Variants in RIMS2 observed in about 807,000 individuals in gnomAD.
The protein encoded by RIMS2 is regulating synaptic membrane exocytosis 2.
A neutral mutation model predicts 174.4 loss-of-function variants in RIMS2; 59 were observed. That is an observed-to-expected ratio of 0.34 (90% CI 0.27 to 0.42). The LOEUF (loss-of-function observed/expected upper bound fraction) is 0.42, where lower values mean the gene tolerates loss of function less well. Ranked by LOEUF, RIMS2 falls within the 10% of genes least tolerant of loss-of-function variation. The pLI, the probability that RIMS2 is intolerant of heterozygous loss-of-function variation, is 1.00. For missense variants in RIMS2, 1,620 were observed against 1,666.3 expected, an observed-to-expected ratio of 0.97 and a Z score of 0.48; for synonymous variants, 606 against 572.5, an observed-to-expected ratio of 1.06 and a Z score of -0.84.
intron 4 of RIMS2, among the ~76,000 whole-genome samples, chr8:103,892,226 C>T (rs1363341766): frequency 6.6e-6 from 1 of 150,620 alleles, no homozygotes; most frequent in African/African-American, 2.4e-5. Context: ...TAATTTGAGA[C>T]AGGGTCTCAC....
At chr8:103,548,362 T>A (rs1183206904) in intron 1 of RIMS2, among the ~76,000 whole-genome samples, 1 of 152,194 alleles carries the variant, frequency 6.6e-6, no homozygotes, top group African/African-American at 2.4e-5. Context: ...GTTCAACATA[T>A]GCCAATCAAT....
In RIMS2 at chr8:104,069,150, A is replaced by G. The variant is rs2097154216; in HGVS notation, c.3334+54535A>G. ...TTCAATAAATTACATGAGCTATTCCATACTTTATTATAAAATAGGCTTTCA... is the reference window on the plus strand; with the variant it reads ...TTCAATAAATTACATGAGCTATTCCGTACTTTATTATAAAATAGGCTTTCA... On this transcript the variant is annotated intron_variant, in intron 19 of 23. Transcript: ENST00000504942. Among the ~76,000 whole-genome samples, 4 of 152,238 alleles carry G rather than the reference A, an allele frequency of 2.6e-5. No individual in the cohort carries two copies. In the South Asian group the frequency reaches 8.3e-4, roughly 32 times the overall value.
chr8:103,566,668 C>A (rs1267795464), intron 1 of RIMS2, among the ~76,000 whole-genome samples: 1 of 152,104 alleles, frequency 6.6e-6, no homozygotes, highest in Non-Finnish European at 1.5e-5. Context: ...GTGGTAATTC[C>A]TTTGGAACAA....
chr8:103,929,793 A>ATCTATGTT (rs2079543089), intron 11 of RIMS2, among the ~76,000 whole-genome samples: 1 of 151,866 alleles, frequency 6.6e-6, no homozygotes. Flanking sequence ...TCTTATCTGT[A>ATCTATGTT]TCTATGTTCT....
chr8:103,718,104 A>G (rs2097396744), intron 2 of RIMS2, among the ~76,000 whole-genome samples: 1 of 152,196 alleles, frequency 6.6e-6, no homozygotes, highest in Non-Finnish European at 1.5e-5. Context: ...AATGCCATAC[A>G]GACTCTAAGA....
chr8:104,066,903 T>C (rs1033656674), intron 19 of RIMS2, among the ~76,000 whole-genome samples: 1 of 152,172 alleles, frequency 6.6e-6, no homozygotes, highest in African/African-American at 2.4e-5. Context: ...TTTTCTTCCC[T>C]TTTCATATTA....
chr8:104,008,879 A>G (rs1245724126), intron 17 of RIMS2, among the ~76,000 whole-genome samples: 1 of 152,088 alleles, frequency 6.6e-6, no homozygotes, highest in Non-Finnish European at 1.5e-5. Flanking sequence ...CTGTAGAATA[A>G]TGCTATTACA....
rs150868827 is a variant in RIMS2 at position 103,964,321 on chromosome 8, C to G, written c.2770+3188C>G. ...AATGAGAGCTCCTGTTGTTCCACATCTTGCCAGCATTTGGTGTTGTCAGTG... is the reference window on the plus strand; with the variant it reads ...AATGAGAGCTCCTGTTGTTCCACATGTTGCCAGCATTTGGTGTTGTCAGTG... On this transcript the variant is annotated intron_variant, in intron 15 of 23. Coordinates refer to ENST00000504942, the Ensembl canonical transcript of RIMS2. Among the ~76,000 whole-genome samples, 284 of 152,298 alleles carry G rather than the reference C, an allele frequency of 1.9e-3. 1 individual carries two copies. Among genetic ancestry groups the G allele is most frequent in the African/African-American group, 6.6e-3 (276 of 41,584 alleles).
At chr8:103,599,892 A>C (rs2094639305) in intron 1 of RIMS2, among the ~76,000 whole-genome samples, 1 of 152,184 alleles carries the variant, frequency 6.6e-6, no homozygotes, top group African/African-American at 2.4e-5. Flanking sequence ...TTGTGTTACA[A>C]ACCATCCAAT....
chr8:103,855,581 A>C (rs2099023244), intron 3 of RIMS2, among the ~76,000 whole-genome samples: 1 of 151,944 alleles, frequency 6.6e-6, no homozygotes, highest in African/African-American at 2.4e-5. Flanking sequence ...ATTTGAAAGA[A>C]TTTTTTTTAT....
At chr8:103,715,654 G>C (rs903009621) in intron 2 of RIMS2, among the ~76,000 whole-genome samples, 1 of 152,076 alleles carries the variant, frequency 6.6e-6, no homozygotes, top group Non-Finnish European at 1.5e-5. Flanking sequence ...ATCACCTTTT[G>C]ACCAAAATAT....
At chr8:104,211,638 C>T (rs934688198) in intron 19 of RIMS2, among the ~76,000 whole-genome samples, 2 of 151,230 alleles carry the variant, frequency 1.3e-5, no homozygotes, top group Non-Finnish European at 2.9e-5. Flanking sequence ...AATCTTGGCT[C>T]ACTGCAACCT....
At chr8:104,151,115 G>C (rs2098686428) in intron 19 of RIMS2, among the ~76,000 whole-genome samples, 1 of 152,182 alleles carries the variant, frequency 6.6e-6, no homozygotes, top group African/African-American at 2.4e-5. Context: ...GGGAATGATA[G>C]ATTCAGGGAA....
chr8:103,582,589 A>G (rs2093679848), intron 1 of RIMS2, among the ~76,000 whole-genome samples: 1 of 152,194 alleles, frequency 6.6e-6, no homozygotes. Flanking sequence ...GCCAGGCAGC[A>G]TTCACAATAA....
intron 1 of RIMS2, among the ~76,000 whole-genome samples, chr8:103,663,719 A>G (rs1489773521): frequency 1.3e-5 from 2 of 152,354 alleles, no homozygotes; most frequent in East Asian, 3.8e-4. Flanking sequence ...AAGGTAATTT[A>G]TAGATTCAAT....
intron 15 of RIMS2, among the ~76,000 whole-genome samples, chr8:103,974,750 T>A (rs2093263050): frequency 6.6e-6 from 1 of 152,138 alleles, no homozygotes; most frequent in Admixed American, 6.5e-5. Flanking sequence ...AAATGATAGG[T>A]GCAGTGGCAC....
intron 14 of RIMS2, among the ~76,000 whole-genome samples, chr8:103,958,222 A>G (rs1185295072): frequency 6.6e-6 from 1 of 152,234 alleles, no homozygotes; most frequent in Non-Finnish European, 1.5e-5. Context: ...CTATGACGCC[A>G]TAAAAAAGAA....
rs548760695 is a variant in RIMS2 at position 103,820,398 on chromosome 8, A to G, written c.698+53861A>G. Among the ~76,000 whole-genome samples the G allele has an allele frequency of 3.1e-4, 47 of 152,140 alleles. No individual in the cohort carries two copies. The South Asian group carries it at 9.5e-3, about 31-fold the overall frequency. ...AAAAAGACCCCATTTAACTAAATAT[A>G]TGTGGAGAAGACTGAGAAAGAAATT... On this transcript the variant is annotated intron_variant, in intron 3 of 23. Transcript: ENST00000504942.
chr8:104,240,226 A>C (rs1183226611), intron 19 of RIMS2, among the ~76,000 whole-genome samples: 2 of 152,196 alleles, frequency 1.3e-5, no homozygotes, highest in Non-Finnish European at 1.5e-5. Context: ...CCTTAATTAC[A>C]TCTGCAAAAT....
Sources: allele counts gnomAD v4.1 joint callset (sites outside exome capture counted in the v4.1 genomes callset), GRCh38; gene constraint gnomAD v4.1.1; transcripts MANE v1.5; gene names NCBI Gene and HGNC (gene_info 2026-07-23, HGNC 2026-07-21).